Variants in TMTC4 observed in about 807,000 individuals in gnomAD.
TMTC4 encodes protein O-mannosyl-transferase TMTC4.
TMTC4 carries 65 observed loss-of-function variants against 86.0 expected under a neutral mutation model. That is an observed-to-expected ratio of 0.76 (90% CI 0.62 to 0.93). The LOEUF is 0.93. TMTC4 is among the 40% of genes least tolerant of loss of function. The probability of loss-of-function intolerance (pLI) is 0.00; values close to 1 mark genes in which losing one functional copy is unlikely to be tolerated. For synonymous variants in TMTC4, 379 were observed against 382.5 expected, an observed-to-expected ratio of 0.99 and a Z score of 0.11; for missense variants, 866 against 948.1, an observed-to-expected ratio of 0.91 and a Z score of 1.14.
chr13:100,622,019 A>G (rs1237608266), intron 15 of TMTC4, among the ~76,000 whole-genome samples: 2 of 152,224 alleles, frequency 1.3e-5, no homozygotes, highest in Non-Finnish European at 2.9e-5. Context: ...ACAGCCGATC[A>G]TTATAATAAT....
chr13:100,662,947 G>C lies in TMTC4; in HGVS notation c.552+17C>G. 3.1e-6 allele frequency: 5 copies of C among 1,612,538 alleles called. No homozygotes were observed. The highest frequency in any genetic ancestry group is 4.2e-6 in the Non-Finnish European group (5 of 1,179,802). ...CTTCTCACGTGCATACAGATGCCTC[G>C]GGCAGACGACACTTACACACTCGGT... is the stretch of plus-strand genomic sequence containing the variant. On this transcript the variant is annotated intron_variant, in intron 5 of 18. Coordinates refer to ENST00000342624, the MANE Select transcript of TMTC4 (RefSeq NM_032813.5).
chr13:100,666,729 G>A (rs1228693328), intron 3 of TMTC4, among the ~76,000 whole-genome samples: 3 of 152,204 alleles, frequency 2.0e-5, no homozygotes, highest in Non-Finnish European at 2.9e-5. Flanking sequence ...ATGGTGGCTT[G>A]CGCTTGCTAT....
chr13:100,619,142 G>A (rs894915759), intron 15 of TMTC4, among the ~76,000 whole-genome samples: 4 of 141,226 alleles, frequency 2.8e-5, no homozygotes, highest in East Asian at 5.0e-4. Flanking sequence ...CCTCCCTCCC[G>A]GACGGGGCGA....
chr13:100,648,315 TG>T (rs769324263), intron 6 of TMTC4, among the ~76,000 whole-genome samples: 5 of 152,144 alleles, frequency 3.3e-5, no homozygotes, highest in African/African-American at 4.8e-5. Context: ...AAACCGATTT[TG>T]GAAGCTTAGT....
intron 2 of TMTC4, among the ~76,000 whole-genome samples, chr13:100,669,219 G>A (rs1886770207): frequency 6.6e-6 from 1 of 152,180 alleles, no homozygotes; most frequent in Non-Finnish European, 1.5e-5. Context: ...GTGTGGCAGG[G>A]GAGAGGGTCG....
intron 15 of TMTC4, among the ~76,000 whole-genome samples, chr13:100,619,602 C>T (rs78778666): frequency 1.3e-5 from 2 of 151,958 alleles, no homozygotes; most frequent in African/African-American, 2.4e-5. Context: ...GCATATTATG[C>T]AAGAAAAAGA....
chr13:100,662,969 C>A lies in TMTC4; in HGVS notation c.547G>T (p.Glu183Ter). Residue 183 changes from glutamate to a stop codon, truncating the protein, a stop_gained, in exon 5 of 19, where the codon GAG becomes TAG. Coordinates refer to ENST00000342624, the MANE Select transcript of TMTC4 (RefSeq NM_032813.5). LOFTEE classifies it high-confidence loss of function. ...LLFAVHPVHT[E>*]CVAGVVGRAD... ...CTCGGGCAGACGACACTTACACACT[C>A]GGTGTGCACAGGATGGACAGCAAAC... 3 of 1,613,686 alleles carry A rather than the reference C, an allele frequency of 1.9e-6. No individual in the cohort carries two copies. The highest frequency in any genetic ancestry group is 2.2e-5 in the South Asian group (2 of 91,016).
intron 12 of TMTC4, among the ~76,000 whole-genome samples, chr13:100,632,051 ACACTCTCT>A (rs58614602): frequency 0.01 from 287 of 28,542 alleles, no homozygotes; most frequent in African/African-American, 0.019. Flanking sequence ...ACACACACAC[ACACTCTCT>A]CTCTCTCTCT....
Position 100,638,042 on chromosome 13 carries a change from C to A in TMTC4, c.742-20G>T. ...TAAACCCTAAGAAAGCAAAGCAAGA[C>A]AATCAGCCACGGGAGAGCTTGGCTG... On this transcript the variant is annotated intron_variant, in intron 7 of 18. Transcript: ENST00000342624. The A allele has an allele frequency of 6.2e-7, 1 of 1,605,030 alleles. No individual in the cohort carries two copies.
chr13:100,614,496 T>TAA, intron 15 of TMTC4, 66 bp from the exon 16 acceptor site: 2 of 1,038,852 alleles, frequency 1.9e-6, no homozygotes, highest in South Asian at 2.1e-5. Flanking sequence ...CAAGACATTA[T>TAA]TAAAAAAAAA....
intron 5 of TMTC4, among the ~76,000 whole-genome samples, chr13:100,662,016 T>C (rs1223299368): frequency 2.0e-5 from 3 of 152,142 alleles, no homozygotes; most frequent in East Asian, 3.9e-4. Flanking sequence ...AGGGGGCGGT[T>C]CCTGACAACT....
chr13:100,613,889 G>T (rs923330777), intron 16 of TMTC4, among the ~76,000 whole-genome samples: 1 of 144,424 alleles, frequency 6.9e-6, no homozygotes, highest in Non-Finnish European at 1.5e-5. Context: ...GCCCAGGCTG[G>T]AGTGCAATGG....
At chr13:100,625,496 C>T (rs1349114131) in intron 15 of TMTC4, 39 bp downstream of exon 15, 3 of 1,609,144 alleles carry the variant, frequency 1.9e-6, no homozygotes, top group Admixed American at 1.7e-5. Flanking sequence ...AAAAATAACC[C>T]ATCTTTCCTT....
At chr13:100,640,007 G>A (rs1041156739) in intron 7 of TMTC4, among the ~76,000 whole-genome samples, 5 of 151,936 alleles carry the variant, frequency 3.3e-5, no homozygotes, top group Non-Finnish European at 5.9e-5. Flanking sequence ...GGAGCCTCCC[G>A]AGGACCTTGT....
At chr13:100,616,909 G>C (rs1212472663) in intron 15 of TMTC4, among the ~76,000 whole-genome samples, 1 of 152,096 alleles carries the variant, frequency 6.6e-6, no homozygotes, top group African/African-American at 2.4e-5. Context: ...CTCAATATTA[G>C]ACCTTTGTTG....
Position 100,604,939 on chromosome 13 carries a change from A to G in TMTC4, c.*55T>C, listed in dbSNP as rs182262308. 17 of 1,564,536 alleles carry G rather than the reference A, an allele frequency of 1.1e-5. 1 individual carries two copies. In the East Asian group the frequency reaches 3.6e-4, roughly 34 times the overall value. The stretch of plus-strand genomic sequence containing the variant: ...TGGTTAAATGTAACCACATACTATT[A>G]ATGATATGCCTCATGCACACACACA... On this transcript the variant is annotated 3_prime_UTR_variant, in exon 19 of 19. Coordinates refer to ENST00000342624, the MANE Select transcript of TMTC4 (RefSeq NM_032813.5).
chr13:100,636,822 A>C lies in TMTC4; in HGVS notation c.1000-88T>G. 6 of 1,353,506 alleles carry C rather than the reference A, an allele frequency of 4.4e-6. No individual in the cohort carries two copies. In the Admixed American group the frequency reaches 9.6e-5, roughly 22 times the overall value. The allele number at this position is 1,353,506 out of a possible 1,614,324, so 83.8% of individuals were successfully genotyped here. On this transcript the variant is annotated intron_variant, in intron 9 of 18. Transcript: ENST00000342624. Reference sequence around the variant, plus strand: ...CACTAACTTCACTTTGGAGGCACTCATATGCTTCTGCTCAATGAAAGCAGT... The same window carrying C: ...CACTAACTTCACTTTGGAGGCACTCCTATGCTTCTGCTCAATGAAAGCAGT...
chr13:100,652,598 GCT>G (rs751632654), intron 6 of TMTC4, among the ~76,000 whole-genome samples: 20 of 152,170 alleles, frequency 1.3e-4, no homozygotes, highest in Non-Finnish European at 2.4e-4. Context: ...AGGATCAAGA[GCT>G]CTGTTTTGTT....
chr13:100,618,704 C>G (rs1011072246), intron 15 of TMTC4, among the ~76,000 whole-genome samples: 9 of 152,102 alleles, frequency 5.9e-5, no homozygotes, highest in Non-Finnish European at 1.3e-4. Flanking sequence ...AACGAGCATG[C>G]TGCCTTCAAA....
Sources: allele counts gnomAD v4.1 joint callset (sites outside exome capture counted in the v4.1 genomes callset), GRCh38; gene constraint gnomAD v4.1.1; transcripts MANE v1.5; gene names NCBI Gene and HGNC (gene_info 2026-07-23, HGNC 2026-07-21).